Variants in HEXA observed in about 807,000 individuals in gnomAD.
HEXA encodes the protein hexosaminidase subunit alpha, also known as beta-hexosaminidase subunit alpha.
A neutral mutation model predicts 73.3 loss-of-function variants in HEXA; 54 were observed. The ratio of observed to expected loss-of-function variants is 0.74; its 90% confidence interval spans 0.59 to 0.92. The LOEUF is 0.92. Ranked by LOEUF, HEXA falls within the 40% of genes least tolerant of loss-of-function variation. The pLI is 0.00. For synonymous variants in HEXA, 230 were observed against 246.9 expected (o/e 0.93, Z 0.64); for missense variants, 649 against 653.0 (o/e 0.99, Z 0.07).
At chr15:72,370,010 A>C (rs140270502) in intron 1 of HEXA, 2 of 151,370 alleles carry the variant, frequency 1.3e-5, no homozygotes, top group African/African-American at 4.8e-5. Context: ...AGTTCTTCCC[A>C]CTATTATACC....
chr15:72,357,848 C>A (rs916022622), intron 1 of HEXA: 4 of 152,114 alleles, frequency 2.6e-5, no homozygotes, highest in Admixed American at 6.6e-5. Context: ...AATAAGGGGG[C>A]CTTTCCTACC....
intron 1 of HEXA, chr15:72,360,193 C>T (rs1029354669): frequency 6.5e-6 from 1 of 153,252 alleles, no homozygotes; most frequent in African/African-American, 2.4e-5. Flanking sequence ...GCCCCTGACC[C>T]CGGCTACTGT....
chr15:72,372,945 C>T (rs1244878985), intron 1 of HEXA, among the ~76,000 whole-genome samples: 2 of 152,176 alleles, frequency 1.3e-5, no homozygotes, highest in Non-Finnish European at 2.9e-5. Context: ...CCAGCTTGGG[C>T]AACATGGCGA....
At chr15:72,352,975 T>C in intron 5 of HEXA, 93 bp downstream of exon 5, 1 of 796,262 alleles carries the variant, frequency 1.3e-6, no homozygotes, top group Non-Finnish European at 2.2e-6. Flanking sequence ...ATACATTCCC[T>C]CTCTAACTCT....
rs1416945308 is a variant in HEXA at position 72,355,683 on chromosome 15, G to A, written c.347-59C>T. On this transcript the variant is annotated intron_variant, in intron 2 of 13. Transcript: ENST00000268097. ...TAAGGTTTTCTATTCTCAGATTATA[G>A]ACCAGATATTCTATATAAATCACTG... 22 of 1,112,682 alleles carry A rather than the reference G, an allele frequency of 2.0e-5. No individual in the cohort carries two copies. The South Asian group carries it at 2.6e-4, about 13-fold the overall frequency. 68.9% of individuals were successfully genotyped at this position (1,112,682 alleles called of 1,614,324 possible).
At chr15:72,345,675 A>G in intron 12 of HEXA, 125 bp from the exon 13 acceptor site, 1 of 1,503,920 alleles carries the variant, frequency 6.6e-7, no homozygotes, top group Non-Finnish European at 9.0e-7. Context: ...AGTGATCAAT[A>G]CCTTGTTATG....
intron 13 of HEXA, chr15:72,345,185 A>G: frequency 1.9e-6 from 1 of 514,462 alleles, no homozygotes; most frequent in South Asian, 2.1e-5. Flanking sequence ...ACTTGAAATG[A>G]TCTTAGATTA....
chr15:72,375,706 C>G lies in HEXA; in HGVS notation c.253+14G>C. The G allele has an allele frequency of 1.9e-6, 3 of 1,613,988 alleles. No homozygotes were observed. Among genetic ancestry groups the G allele is most frequent in the Non-Finnish European group, 1.7e-6 (2 of 1,179,970 alleles). On this transcript the variant is annotated intron_variant, in intron 1 of 13. Transcript: ENST00000268097. ...CTCAGGGCCCAGGAACAGGGCGGGA[C>G]AAGTCCGACTCACCTGTGAGGTAAG...
chr15:72,370,826 A>C (rs1162827231), intron 1 of HEXA: 1 of 391,978 alleles, frequency 2.6e-6, no homozygotes, highest in Non-Finnish European at 4.5e-6. Context: ...TTTGCCCTTC[A>C]ACTAAAAACT....
chr15:72,349,164 T>C lies in HEXA; in HGVS notation c.901A>G (p.Met301Val). 3 of 1,613,800 alleles carry C rather than the reference T, an allele frequency of 1.9e-6. No individual in the cohort carries two copies. Among genetic ancestry groups the C allele is most frequent in the Non-Finnish European group, 2.5e-6 (3 of 1,179,664 alleles). Residue 301 changes from methionine to valine, a missense_variant, in exon 8 of 14, where the codon ATG (methionine) becomes GTG (valine). Met to Val is a conservative substitution (Grantham distance 21). Transcript: ENST00000268097. ...CTGACTTCTAAGAAGAATGTGCTCA[T>C]GAACTCATAGGTATTATTGAGACTG... Reference protein sequence around the residue: ...NPSLNNTYEFMSTFFLEVSSV... With the variant: ...NPSLNNTYEFVSTFFLEVSSV...
In HEXA at chr15:72,346,237, G is replaced by A; in HGVS notation, c.1419C>T (p.Leu473=). ...YVDNTNLVPR[L]WPRAGAVAER... ...ACCTCCCCCCCGAAAACCCTTACCA[G>A]AGCCTGGGGACCAGGTTTGTGTTGT... Residue 473 remains leucine (L), a splice_region_variant and synonymous_variant, in exon 12 of 14, where the codon CTC becomes CTT. Coordinates refer to ENST00000268097, the MANE Select transcript of HEXA (RefSeq NM_000520.6). The A allele has an allele frequency of 6.2e-7, 1 of 1,612,976 alleles. No homozygotes were observed. The highest frequency in any genetic ancestry group is 8.5e-7 in the Non-Finnish European group (1 of 1,179,136).
chr15:72,347,382 C>T (rs1043874863), intron 10 of HEXA, among the ~76,000 whole-genome samples: 1 of 151,240 alleles, frequency 6.6e-6, no homozygotes, highest in African/African-American at 2.4e-5. Flanking sequence ...AGCAGTACCC[C>T]AACCTCAGCC....
chr15:72,364,131 G>A (rs756153913), intron 1 of HEXA, among the ~76,000 whole-genome samples: 14 of 151,896 alleles, frequency 9.2e-5, no homozygotes, highest in Admixed American at 6.6e-4. Context: ...TTAGCTGGGC[G>A]TGGTAGCAGG....
rs918843285 is a variant in HEXA, at chr15:72,342,747, C to T, written c.*1330G>A. 10 of 152,216 alleles carry T rather than the reference C, an allele frequency of 6.6e-5. No homozygotes were observed. Among genetic ancestry groups the T allele is most frequent in the African/African-American group, 1.7e-4 (7 of 41,424 alleles). The allele number at this position is 152,216 out of a possible 1,614,324, so 9.4% of individuals were successfully genotyped here. On this transcript the variant is annotated 3_prime_UTR_variant, in exon 14 of 14. Coordinates refer to ENST00000268097, the MANE Select transcript of HEXA (RefSeq NM_000520.6). Reference sequence around the variant, plus strand: ...GGAGGAGGGGGATGGAAGTCGCCTACGTTATTTTGGAATTGACCAGGGCCT... The same window carrying T: ...GGAGGAGGGGGATGGAAGTCGCCTATGTTATTTTGGAATTGACCAGGGCCT...
At position 72,346,716 on chromosome 15, in the gene HEXA, A is replaced by G. The variant is rs2088620275; in HGVS notation, c.1147-6T>C. 4.3e-6 allele frequency: 7 copies of G among 1,613,944 alleles called. No individual in the cohort carries two copies. Among genetic ancestry groups the G allele is most frequent in the Non-Finnish European group, 5.9e-6 (7 of 1,179,924 alleles). On this transcript the variant is annotated splice_polypyrimidine_tract_variant and splice_region_variant and intron_variant, in intron 10 of 13. Coordinates refer to ENST00000268097, the MANE Select transcript of HEXA (RefSeq NM_000520.6). ...ATGATTGTGTCTGGCTGAATCTGTTATAAAAGGTCAAATGGCAGTAAGGAC... is the reference window on the plus strand; with the variant it reads ...ATGATTGTGTCTGGCTGAATCTGTTGTAAAAGGTCAAATGGCAGTAAGGAC...
In HEXA at chr15:72,343,447, T is replaced by C. The variant is rs35949555; in HGVS notation, c.*630A>G. On this transcript the variant is annotated 3_prime_UTR_variant, in exon 14 of 14. Transcript: ENST00000268097. ...CACTACCACAGTGCCTAGAGAACAA[T>C]ATGTGTTTAATAATATTTAAATAAT... The C allele has an allele frequency of 0.053, 8,125 of 152,994 alleles. 344 individuals carry two copies. Among genetic ancestry groups the C allele is most frequent in the East Asian group, 0.21 (1,105 of 5,162 alleles). The allele number at this position is 152,994 out of a possible 1,614,324, so 9.5% of individuals were successfully genotyped here. A position where few individuals can be genotyped will look rare whatever the true frequency, so the allele number is the denominator to read the frequency against.
chr15:72,345,121 C>G (rs1317268594), intron 13 of HEXA: 1 of 368,994 alleles, frequency 2.7e-6, no homozygotes, highest in Non-Finnish European at 5.1e-6. Flanking sequence ...GCTCAAGTCC[C>G]TTATATAAAA....
At chr15:72,372,675 A>T (rs1008246424) in intron 1 of HEXA, among the ~76,000 whole-genome samples, 3 of 152,234 alleles carry the variant, frequency 2.0e-5, no homozygotes, top group Admixed American at 2.0e-4. Flanking sequence ...AAGGTGGCAA[A>T]TACTAAACAC....
At chr15:72,368,559 C>T (rs1036701262) in intron 1 of HEXA, among the ~76,000 whole-genome samples, 2 of 152,174 alleles carry the variant, frequency 1.3e-5, no homozygotes, top group African/African-American at 4.8e-5. Flanking sequence ...TTCCCTTTTC[C>T]CAATAAGACA....
Sources: gnomAD v4.1 joint callset for allele counts (sites outside exome capture counted in the v4.1 genomes callset) on GRCh38, gnomAD v4.1.1 for gene constraint, MANE v1.5 for transcripts, NCBI Gene and HGNC (gene_info 2026-07-23, HGNC 2026-07-21) for gene names.